The following DNAH5 variants were observed in gnomAD, a reference collection of about 807,000 sequenced individuals.
DNAH5 encodes the protein axonemal beta dynein heavy chain 5.
Under a neutral mutation model 518.2 loss-of-function variants are expected in DNAH5, and 372 were observed. The observed-to-expected ratio is 0.72, with a 90% CI of 0.66 to 0.78. The LOEUF is 0.78. DNAH5 is among the 30% of genes least tolerant of loss of function. DNAH5 has a pLI of 0.00. For synonymous variants in DNAH5, 2,039 were observed against 2,025.9 expected, an observed-to-expected ratio of 1.01 and a Z score of -0.17; for missense variants, 5,523 against 5,687.0, an observed-to-expected ratio of 0.97 and a Z score of 0.93.
At chr5:13,994,039 G>C (rs1783750317) in intron 1 of DNAH5, among the ~76,000 whole-genome samples, 1 of 152,236 alleles carries the variant, frequency 6.6e-6, no homozygotes, top group Non-Finnish European at 1.5e-5. Flanking sequence ...CCTGCTGTCA[G>C]GCCGTCCTCT....
chr5:13,846,773 T>C (rs1003774334), intron 31 of DNAH5, among the ~76,000 whole-genome samples: 13 of 152,210 alleles, frequency 8.5e-5, no homozygotes, highest in Admixed American at 2.0e-4. Context: ...CTTGCAGCGA[T>C]GGGATTTGTT....
Position 13,853,595 on chromosome 5 carries a change from A to C in DNAH5, c.4951-2780T>G, listed in dbSNP as rs145785641. 6.5e-3 allele frequency among the ~76,000 whole-genome samples: 990 copies of C among 152,202 alleles called. 11 individuals are homozygous for C. Among genetic ancestry groups the C allele is most frequent in the African/African-American group, 0.021 (890 of 41,536 alleles). ...CCTCCAAGCTAAAGGAGCATGTTCT[A>C]ACCCAATATAAGGAAGCTGAGAACC... On this transcript the variant is annotated intron_variant, in intron 30 of 78. Transcript: ENST00000265104.
At chr5:13,896,764 T>G (rs759649906) in intron 15 of DNAH5, 3 of 152,228 alleles carry the variant, frequency 2.0e-5, no homozygotes, top group Non-Finnish European at 2.9e-5. Flanking sequence ...TGTCAAACTG[T>G]GTCAGTATTA....
chr5:13,743,876 A>G (rs1209091492), intron 65 of DNAH5, among the ~76,000 whole-genome samples: 1 of 152,150 alleles, frequency 6.6e-6, no homozygotes, highest in East Asian at 1.9e-4. Flanking sequence ...AAACTAGAAC[A>G]ACCACTATGG....
chr5:13,928,312 C>A (rs1778087861), intron 2 of DNAH5, 134 bp from the exon 3 acceptor site: 1 of 653,766 alleles, frequency 1.5e-6, no homozygotes. Context: ...TCTAATGTAT[C>A]CTATAAAAAA....
At chr5:13,789,182 T>C (rs1756556169) in intron 50 of DNAH5, among the ~76,000 whole-genome samples, 1 of 152,182 alleles carries the variant, frequency 6.6e-6, no homozygotes, top group Non-Finnish European at 1.5e-5. Flanking sequence ...ATCAACAAAC[T>C]AATATTCTAC....
chr5:13,841,163 T>C, intron 33 of DNAH5, 33 bp from the exon 34 acceptor site: 2 of 1,507,192 alleles, frequency 1.3e-6, no homozygotes, highest in Admixed American at 1.7e-5. Context: ...CATGAATTTG[T>C]ATGGCATATT....
intron 1 of DNAH5, among the ~76,000 whole-genome samples, chr5:13,977,958 C>T (rs1317672089): frequency 6.6e-6 from 1 of 152,158 alleles, no homozygotes; most frequent in East Asian, 1.9e-4. Context: ...AGGCCCTAAA[C>T]CTGACTCAGG....
At chr5:13,997,012 T>C (rs1489421424) in intron 1 of DNAH5, among the ~76,000 whole-genome samples, 2 of 152,288 alleles carry the variant, frequency 1.3e-5, no homozygotes, top group Non-Finnish European at 2.9e-5. Flanking sequence ...GAAATCTAGG[T>C]GGAGACAGCC....
chr5:13,948,821 G>A (rs1183020523), upstream of DNAH5, among the ~76,000 whole-genome samples: 1 of 151,960 alleles, frequency 6.6e-6, no homozygotes, highest in Non-Finnish European at 1.5e-5. Flanking sequence ...CAGTCTCCTG[G>A]GCATGAAGAA....
rs148064322 is a variant in DNAH5 at position 13,907,635 on chromosome 5, G to A, written c.1644+3751C>T. Among the ~76,000 whole-genome samples, 439 of 152,106 alleles carry A rather than the reference G, an allele frequency of 2.9e-3. 1 individual carries two copies. The highest frequency in any genetic ancestry group is 9.9e-3 in the African/African-American group (411 of 41,496). On this transcript the variant is annotated intron_variant, in intron 12 of 78. Coordinates refer to ENST00000265104, the MANE Select transcript of DNAH5 (RefSeq NM_001369.3). ...GGTCTTTATGGGTTCTCCTGAGAAC[G>A]TCACACATCTTATACTATTATGTAA...
chr5:13,845,428 A>C (rs1343132863), intron 31 of DNAH5, among the ~76,000 whole-genome samples: 2 of 151,972 alleles, frequency 1.3e-5, no homozygotes, highest in Non-Finnish European at 2.9e-5. Context: ...AGCTCCCTAC[A>C]ATACTTGAAA....
chr5:13,752,149 A>G lies in DNAH5; in HGVS notation c.11013T>C (p.Thr3671=), dbSNP rs1750325757. ...DNVLERNFIK[T]GSTFKVKVGD... ...TTTAACCTACCTTAAAGGTAGACCC[A>G]GTTTTAATGAAGTTTCTTTCCAAAA... Residue 3671 remains threonine (T), a synonymous_variant, in exon 64 of 79, where the codon ACT becomes ACC. Transcript: ENST00000265104. The G allele has an allele frequency of 1.2e-6, 2 of 1,613,858 alleles. No individual in the cohort carries two copies. The highest frequency in any genetic ancestry group is 3.3e-5 in the Admixed American group (2 of 59,978).
At chr5:13,993,288 TG>T (rs1309866148) in intron 1 of DNAH5, among the ~76,000 whole-genome samples, 1 of 152,210 alleles carries the variant, frequency 6.6e-6, no homozygotes, top group Non-Finnish European at 1.5e-5. Flanking sequence ...TTAAATACTC[TG>T]AGTTTTTATC....
Position 13,719,032 on chromosome 5 carries a change from T to C in DNAH5, c.12349A>G (p.Ile4117Val), listed in dbSNP as rs145501076. Reference sequence around the variant, plus strand: ...GCATCATGTACAAGCTCAGTTTCTATGATTATGTCCATCAGCTCATCCATG... The same window carrying C: ...GCATCATGTACAAGCTCAGTTTCTACGATTATGTCCATCAGCTCATCCATG... ...DFMDELMDIIIETELVHDAFR... is the reference protein window; with the variant it reads ...DFMDELMDIIVETELVHDAFR... The change falls in exon 72 of 79, where the codon ATA becomes GTA. Residue 4117 changes from isoleucine to valine, a missense_variant. Around this residue, in one of 3 missense-constraint regions of DNAH5, gnomAD observed 5,121 missense variants for 5,223.3 expected, o/e 0.98. Coordinates refer to ENST00000265104, the MANE Select transcript of DNAH5 (RefSeq NM_001369.3). The C allele has an allele frequency of 1.4e-4, 220 of 1,614,188 alleles. 1 individual carries two copies. The African/African-American group carries it at 2.6e-3, about 19-fold the overall frequency.
intron 12 of DNAH5, among the ~76,000 whole-genome samples, chr5:13,908,015 C>A (rs2151972582): frequency 6.6e-6 from 1 of 152,214 alleles, no homozygotes; most frequent in East Asian, 1.9e-4. Context: ...TTGGCAATAT[C>A]CAGACCACCA....
chr5:13,912,081 A>G (rs577631014), intron 11 of DNAH5, among the ~76,000 whole-genome samples: 2 of 152,284 alleles, frequency 1.3e-5, no homozygotes, highest in East Asian at 3.9e-4. Context: ...ACAAACTAGG[A>G]AGTTCATCTC....
chr5:13,984,937 C>T (rs1405003551), intron 1 of DNAH5, among the ~76,000 whole-genome samples: 4 of 152,076 alleles, frequency 2.6e-5, no homozygotes, highest in Non-Finnish European at 5.9e-5. Context: ...GGTATATACA[C>T]AAAGGAATAT....
intron 1 of DNAH5, among the ~76,000 whole-genome samples, chr5:13,986,367 T>C (rs1312869937): frequency 6.6e-6 from 1 of 152,124 alleles, no homozygotes; most frequent in Non-Finnish European, 1.5e-5. Flanking sequence ...ATTCCAGAAA[T>C]GGCTGAGCCC....
Sources: allele counts gnomAD v4.1 joint callset (sites outside exome capture counted in the v4.1 genomes callset), GRCh38; gene constraint gnomAD v4.1.1; regional missense constraint gnomAD v4.1.1; transcripts MANE v1.5; gene names NCBI Gene and HGNC (gene_info 2026-07-23, HGNC 2026-07-21).